The following BATF3 variants were observed in gnomAD, a reference collection of about 807,000 sequenced individuals.
BATF3 encodes the protein basic leucine zipper transcriptional factor ATF-like 3.
A neutral mutation model predicts 16.1 loss-of-function variants in BATF3; 8 were observed. The observed-to-expected ratio is 0.50, with a 90% CI of 0.29 to 0.90. The LOEUF (loss-of-function observed/expected upper bound fraction) is 0.90, where lower values mean the gene tolerates loss of function less well. Ranked by LOEUF, BATF3 falls within the 40% of genes least tolerant of loss-of-function variation. The pLI is 0.08. For synonymous variants in BATF3, 74 were observed against 72.7 expected (o/e 1.02, Z -0.09); for missense variants, 139 against 167.0 (o/e 0.83, Z 0.92).
chr1:212,699,486 A>T lies in BATF3; in HGVS notation c.90+187T>A, dbSNP rs771785962. On this transcript the variant is annotated intron_variant, in intron 1 of 2. Coordinates refer to ENST00000243440, the MANE Select transcript of BATF3 (RefSeq NM_018664.3). The surrounding 1 kb of genome is among the most constrained non-coding windows in gnomAD (Gnocchi z 4.4). Reference sequence around the variant, plus strand: ...AGGAGCCGCGGACACTGTGCGCACGACAGGGTCCCTGGATCGCCCCCATTC... The same window carrying T: ...AGGAGCCGCGGACACTGTGCGCACGTCAGGGTCCCTGGATCGCCCCCATTC... Among the ~76,000 whole-genome samples the T allele has an allele frequency of 3.4e-4, 52 of 152,036 alleles. No individual in the cohort carries two copies. The highest frequency in any genetic ancestry group is 6.6e-4 in the Non-Finnish European group (45 of 67,974).
At chr1:212,690,491 A>G (rs1656976616) in intron 2 of BATF3, among the ~76,000 whole-genome samples, 1 of 152,228 alleles carries the variant, frequency 6.6e-6, no homozygotes, top group Admixed American at 6.5e-5. Flanking sequence ...AATAACAAGA[A>G]GAGAAGAAGT....
Position 212,686,628 on chromosome 1 carries a change from C to G in BATF3, c.*163G>C. 8.1e-7 allele frequency: 1 copy of G among 1,229,150 alleles called. No individual in the cohort carries two copies. Among genetic ancestry groups the G allele is most frequent in the Non-Finnish European group, 1.1e-6 (1 of 915,370 alleles). 76.1% of individuals were successfully genotyped at this position (1,229,150 alleles called of 1,614,324 possible). On this transcript the variant is annotated 3_prime_UTR_variant, in exon 3 of 3. Coordinates refer to ENST00000243440, the MANE Select transcript of BATF3 (RefSeq NM_018664.3). Reference sequence around the variant, plus strand: ...TGTGAGTTTGGCGCCTGTTGGATGTCGGGCTGAGCCCAGTCTGCAGGGAAC... The same window carrying G: ...TGTGAGTTTGGCGCCTGTTGGATGTGGGGCTGAGCCCAGTCTGCAGGGAAC...
chr1:212,694,921 G>C (rs2884573), intron 2 of BATF3, among the ~76,000 whole-genome samples: 1 of 152,080 alleles, frequency 6.6e-6, no homozygotes, highest in Non-Finnish European at 1.5e-5. Context: ...AATTTATATC[G>C]GAAGGTCACC....
rs986455638 is a variant in BATF3 at position 212,689,474 on chromosome 1, G to A, written c.196-2495C>T. 2.6e-5 allele frequency among the ~76,000 whole-genome samples: 4 copies of A among 152,158 alleles called. No individual in the cohort carries two copies. Among genetic ancestry groups the A allele is most frequent in the Non-Finnish European group, 4.4e-5 (3 of 68,024 alleles). On this transcript the variant is annotated intron_variant, in intron 2 of 2. Coordinates refer to ENST00000243440, the MANE Select transcript of BATF3 (RefSeq NM_018664.3). This position sits in a 1 kb window ranked among gnomAD's most constrained non-coding sequence, Gnocchi z 4.6. ...TTCACCAGTACACTGGCCCCATTCT[G>A]CCTCTATCCTCCTCCCTGCCTCCCA...
chr1:212,688,640 A>C (rs1375799752), intron 2 of BATF3, among the ~76,000 whole-genome samples: 1 of 152,228 alleles, frequency 6.6e-6, no homozygotes, highest in Non-Finnish European at 1.5e-5. Flanking sequence ...TAAGCCATCC[A>C]CTAACTTAAC....
At chr1:212,688,713 A>G (rs1656922914) in intron 2 of BATF3, among the ~76,000 whole-genome samples, 1 of 152,274 alleles carries the variant, frequency 6.6e-6, no homozygotes, top group Non-Finnish European at 1.5e-5. Context: ...AGCCAATGGC[A>G]GAGCTCTACG....
intron 2 of BATF3, among the ~76,000 whole-genome samples, chr1:212,696,499 A>G (rs1377808003): frequency 2.0e-5 from 3 of 151,810 alleles, no homozygotes; most frequent in East Asian, 1.9e-4. Flanking sequence ...GTTTGTGTGT[A>G]TATATATGTG....
chr1:212,696,906 G>A (rs757241095), intron 2 of BATF3, 55 bp downstream of exon 2: 32 of 1,355,446 alleles, frequency 2.4e-5, no homozygotes, highest in African/African-American at 7.2e-5. Context: ...CCCCACTCCC[G>A]TGCAAGGCAG....
intron 1 of BATF3, chr1:212,697,650 A>C (rs1657163683): frequency 6.6e-6 from 1 of 152,344 alleles, no homozygotes; most frequent in Non-Finnish European, 1.5e-5. Flanking sequence ...CTGACAGTGT[A>C]CTCATTTGAA....
intron 2 of BATF3, among the ~76,000 whole-genome samples, chr1:212,692,097 C>T (rs998071779): frequency 1.3e-5 from 2 of 152,230 alleles, no homozygotes; most frequent in Admixed American, 6.5e-5. Flanking sequence ...CTGGCTTGGC[C>T]TGTGCAGCCT....
At chr1:212,693,401 T>C (rs2102402368) in intron 2 of BATF3, among the ~76,000 whole-genome samples, 1 of 152,242 alleles carries the variant, frequency 6.6e-6, no homozygotes, top group East Asian at 1.9e-4. Flanking sequence ...AGCTCTGGGG[T>C]CTGTATACAG....
rs1439115654 is a variant in BATF3, at chr1:212,689,743, A to G, written c.196-2764T>C. ...CTCATACACATTCACACACTCTTAC[A>G]CACATACACATATACACACACTCAC... On this transcript the variant is annotated intron_variant, in intron 2 of 2. Transcript: ENST00000243440. This position sits in a 1 kb window ranked among gnomAD's most constrained non-coding sequence, Gnocchi z 4.6. 6.6e-6 allele frequency among the ~76,000 whole-genome samples: 1 copy of G among 151,520 alleles called. No individual in the cohort carries two copies. Among genetic ancestry groups the G allele is most frequent in the Non-Finnish European group, 1.5e-5 (1 of 67,870 alleles).
intron 2 of BATF3, among the ~76,000 whole-genome samples, chr1:212,694,146 A>G (rs898727743): frequency 2.0e-5 from 3 of 152,240 alleles, no homozygotes; most frequent in African/African-American, 4.8e-5. Context: ...CTACAAGCCC[A>G]GGAACACTGA....
intron 2 of BATF3, 61 bp from the exon 3 acceptor site, chr1:212,687,040 TG>T: frequency 9.4e-7 from 1 of 1,065,094 alleles, no homozygotes; most frequent in Non-Finnish European, 1.5e-6. Flanking sequence ...TCCGTCCTCC[TG>T]TGCCGCGCTG....
intron 2 of BATF3, among the ~76,000 whole-genome samples, chr1:212,696,643 G>A (rs1366392035): frequency 6.6e-6 from 1 of 152,064 alleles, no homozygotes; most frequent in Non-Finnish European, 1.5e-5. Context: ...ACTTTGGAGG[G>A]AAACAAAACA....
intron 2 of BATF3, 72 bp from the exon 3 acceptor site, chr1:212,687,051 G>A: frequency 1.0e-6 from 1 of 964,712 alleles, no homozygotes; most frequent in Admixed American, 1.7e-5. Context: ...GTGCCGCGCT[G>A]TTCACCTCTT....
chr1:212,692,135 G>A, intron 2 of BATF3, among the ~76,000 whole-genome samples: 1 of 152,182 alleles, frequency 6.6e-6, no homozygotes, highest in South Asian at 2.1e-4. Context: ...TCCACAGAGG[G>A]CTCGCCTTGA....
rs900350641 is a variant in BATF3 at position 212,689,733 on chromosome 1, AC to A, written c.196-2755del. Among the ~76,000 whole-genome samples, 1 of 151,862 alleles carries A rather than the reference AC, an allele frequency of 6.6e-6. No homozygotes were observed. Among genetic ancestry groups the A allele is most frequent in the Non-Finnish European group, 1.5e-5 (1 of 67,946 alleles). ...CTCACACACTCTCATACACATTCAC[AC>A]ACTCTTACACACATACACATATACA... On this transcript the variant is annotated intron_variant, in intron 2 of 2. Coordinates refer to ENST00000243440, the MANE Select transcript of BATF3 (RefSeq NM_018664.3). The surrounding 1 kb of genome is among the most constrained non-coding windows in gnomAD (Gnocchi z 4.6).
Position 212,686,452 on chromosome 1 carries a change from C to A in BATF3, c.*339G>T, listed in dbSNP as rs913782822. On this transcript the variant is annotated 3_prime_UTR_variant, in exon 3 of 3. Coordinates refer to ENST00000243440, the MANE Select transcript of BATF3 (RefSeq NM_018664.3). ...GGAAGTGTATTGTGCCTGTAAATTC[C>A]CAGAACTGGAGAAGGGAGAGACAAT... 2 of 250,856 alleles carry A rather than the reference C, an allele frequency of 8.0e-6. No homozygotes were observed. Among genetic ancestry groups the A allele is most frequent in the East Asian group, 1.5e-4 (2 of 13,276 alleles). 15.5% of individuals were successfully genotyped at this position (250,856 alleles called of 1,614,324 possible). A position where few individuals can be genotyped will look rare whatever the true frequency, so the allele number is the denominator to read the frequency against.
Sources: allele counts gnomAD v4.1 joint callset (sites outside exome capture counted in the v4.1 genomes callset), GRCh38; gene constraint gnomAD v4.1.1; non-coding constraint Gnocchi (gnomAD v3.1); transcripts MANE v1.5; gene names NCBI Gene and HGNC (gene_info 2026-07-23, HGNC 2026-07-21).